PDGFD: variants seen among roughly 807,000 people sequenced by gnomAD.
PDGFD encodes the protein platelet derived growth factor D, also known as platelet-derived growth factor D.
In PDGFD, 30 loss-of-function variants were observed where a neutral mutation model predicts 44.7. That is an observed-to-expected ratio of 0.67 (90% confidence interval 0.50 to 0.91). The LOEUF is 0.91. PDGFD is among the 40% of genes least tolerant of loss of function. The probability of loss-of-function intolerance (pLI) is 0.00; values close to 1 mark genes in which losing one functional copy is unlikely to be tolerated. For missense variants in PDGFD, 445 were observed against 457.8 expected (o/e 0.97, Z 0.25); for synonymous variants, 173 against 168.4 (o/e 1.03, Z -0.21).
chr11:103,996,543 A>C (rs1165685981), intron 2 of PDGFD, among the ~76,000 whole-genome samples: 1 of 152,198 alleles, frequency 6.6e-6, no homozygotes, highest in East Asian at 1.9e-4. Flanking sequence ...GTTTTCTTGG[A>C]AAAACTAATA....
intron 3 of PDGFD, among the ~76,000 whole-genome samples, chr11:103,968,832 C>T (rs1859058113): frequency 6.6e-6 from 1 of 152,196 alleles, no homozygotes; most frequent in African/African-American, 2.4e-5. Context: ...ACGTAAAACC[C>T]TCATGATCTG....
intron 3 of PDGFD, among the ~76,000 whole-genome samples, chr11:103,970,987 C>A (rs1859094695): frequency 6.6e-6 from 1 of 152,094 alleles, no homozygotes; most frequent in African/African-American, 2.4e-5. Flanking sequence ...AGAAATCTAC[C>A]CCATTGCTGT....
chr11:104,156,231 C>T (rs1017045572), intron 1 of PDGFD, among the ~76,000 whole-genome samples: 1 of 151,972 alleles, frequency 6.6e-6, no homozygotes, highest in Non-Finnish European at 1.5e-5. Flanking sequence ...CATGTGCCTG[C>T]CGTCCCAGCT....
chr11:104,011,950 A>C (rs930226389), intron 1 of PDGFD, among the ~76,000 whole-genome samples: 1 of 152,162 alleles, frequency 6.6e-6, no homozygotes, highest in Admixed American at 6.5e-5. Flanking sequence ...TGCTCAAGGA[A>C]ATAAATTTCC....
At chr11:103,953,576 A>T (rs1477656387) in intron 3 of PDGFD, among the ~76,000 whole-genome samples, 1 of 152,222 alleles carries the variant, frequency 6.6e-6, no homozygotes, top group Non-Finnish European at 1.5e-5. Context: ...AATGGACTGG[A>T]TGTGTGTACA....
intron 1 of PDGFD, among the ~76,000 whole-genome samples, chr11:104,147,242 T>C (rs1242021444): frequency 1.3e-5 from 2 of 152,108 alleles, no homozygotes; most frequent in Non-Finnish European, 2.9e-5. Flanking sequence ...GCATAAGATA[T>C]CAAAATGGAC....
intron 1 of PDGFD, among the ~76,000 whole-genome samples, chr11:104,093,354 A>T (rs1277438750): frequency 6.6e-6 from 1 of 152,018 alleles, no homozygotes; most frequent in Non-Finnish European, 1.5e-5. Context: ...ACACCAATTG[A>T]GTGCTCTGTC....
intron 1 of PDGFD, chr11:104,037,673 GA>G: frequency 6.2e-7 from 1 of 1,614,144 alleles, no homozygotes; most frequent in Non-Finnish European, 8.5e-7. Flanking sequence ...CTGGTGGACC[GA>G]CGGTGGGCTG....
intron 1 of PDGFD, among the ~76,000 whole-genome samples, chr11:104,106,713 T>C (rs1861475887): frequency 6.6e-6 from 1 of 151,072 alleles, no homozygotes; most frequent in Non-Finnish European, 1.5e-5. Flanking sequence ...GAATTCCATA[T>C]GATCCTCAGT....
intron 1 of PDGFD, among the ~76,000 whole-genome samples, chr11:104,047,784 C>T (rs975109966): frequency 2.0e-5 from 3 of 151,926 alleles, no homozygotes; most frequent in Middle Eastern, 3.4e-3. Flanking sequence ...TGGCAGCCAA[C>T]AAAATAGATG....
chr11:104,050,596 C>T (rs1392800790), intron 1 of PDGFD, among the ~76,000 whole-genome samples: 3 of 152,172 alleles, frequency 2.0e-5, no homozygotes, highest in Non-Finnish European at 4.4e-5. Context: ...CCTCAGTTTG[C>T]TCATCAAGTA....
chr11:103,995,071 G>A (rs1174062852), intron 3 of PDGFD, among the ~76,000 whole-genome samples: 1 of 151,902 alleles, frequency 6.6e-6, no homozygotes, highest in Non-Finnish European at 1.5e-5. Flanking sequence ...TGTAGAGATA[G>A]GGTCTTGCTT....
intron 1 of PDGFD, among the ~76,000 whole-genome samples, chr11:104,114,737 T>C (rs1014700202): frequency 6.6e-6 from 1 of 152,046 alleles, no homozygotes; most frequent in South Asian, 2.1e-4. Flanking sequence ...GACCATAGAA[T>C]ATCTCTCCAT....
intron 1 of PDGFD, among the ~76,000 whole-genome samples, chr11:104,069,884 A>C (rs1265154742): frequency 6.6e-6 from 1 of 152,196 alleles, no homozygotes; most frequent in Non-Finnish European, 1.5e-5. Flanking sequence ...TTATGCTTTT[A>C]TAATTCCATC....
chr11:104,162,080 T>C (rs1338530129), intron 1 of PDGFD, among the ~76,000 whole-genome samples: 2 of 151,398 alleles, frequency 1.3e-5, no homozygotes, highest in East Asian at 1.9e-4. Context: ...ATTTCCCATA[T>C]AGACTGAACA....
At chr11:104,091,174 T>C (rs930730974) in intron 1 of PDGFD, among the ~76,000 whole-genome samples, 2 of 152,208 alleles carry the variant, frequency 1.3e-5, no homozygotes, top group Admixed American at 6.5e-5. Flanking sequence ...TACATGCGTA[T>C]AGGCATACTA....
chr11:104,160,008 T>C (rs1862366902), intron 1 of PDGFD, among the ~76,000 whole-genome samples: 1 of 152,160 alleles, frequency 6.6e-6, no homozygotes, highest in African/African-American at 2.4e-5. Flanking sequence ...GAACAAAAAA[T>C]ACACAGAAGA....
chr11:103,927,602 C>T (rs1289141985), intron 5 of PDGFD, among the ~76,000 whole-genome samples: 1 of 152,146 alleles, frequency 6.6e-6, no homozygotes, highest in Non-Finnish European at 1.5e-5. Context: ...AGTGAAATTT[C>T]ACACATAAAT....
At chr11:104,053,177 C>T (rs1371273429) in intron 1 of PDGFD, among the ~76,000 whole-genome samples, 2 of 152,046 alleles carry the variant, frequency 1.3e-5, no homozygotes. Context: ...CCTAATGATA[C>T]CTTGGGGGAG....
Sources: gnomAD v4.1 joint callset for allele counts (sites outside exome capture counted in the v4.1 genomes callset) on GRCh38, gnomAD v4.1.1 for gene constraint, MANE v1.5 for transcripts, NCBI Gene and HGNC (gene_info 2026-07-23, HGNC 2026-07-21) for gene names.